PEAR1: variants seen among roughly 807,000 people sequenced by gnomAD.
PEAR1 encodes multiple EGF-like domains protein 12.
PEAR1 carries 113 observed loss-of-function variants against 131.2 expected under a neutral mutation model. The ratio of observed to expected loss-of-function variants is 0.86; its 90% CI spans 0.74 to 1.01. The LOEUF is 1.01. Among genes scored for constraint, PEAR1 ranks in the 50% least tolerant of loss-of-function variants. The pLI is 0.00. For missense variants in PEAR1, 1,408 were observed against 1,391.1 expected, an observed-to-expected ratio of 1.01 and a Z score of -0.19; for synonymous variants, 565 against 523.3, an observed-to-expected ratio of 1.08 and a Z score of -1.09.
intron 1 of PEAR1, among the ~76,000 whole-genome samples, chr1:156,895,946 G>A (rs1649116933): frequency 6.6e-6 from 1 of 152,040 alleles, no homozygotes; most frequent in African/African-American, 2.4e-5. Context: ...GCTTGGCATG[G>A]TGGTGCCCGC....
chr1:156,906,619 C>T lies in PEAR1; in HGVS notation c.401-18C>T, dbSNP rs753296214. ...ACTAGACCCCTGGTGACCCCCTTCCCGCCTCCTTATCCCACAGAGTGTGCC... is the reference window on the plus strand; with the variant it reads ...ACTAGACCCCTGGTGACCCCCTTCCTGCCTCCTTATCCCACAGAGTGTGCC... On this transcript the variant is annotated intron_variant, in intron 5 of 22. Transcript: ENST00000292357. 2.3e-5 allele frequency: 37 copies of T among 1,613,896 alleles called. 1 individual carries two copies. The highest frequency in any genetic ancestry group is 1.3e-4 in the Admixed American group (8 of 60,010).
At chr1:156,895,396 C>G (rs1334376191) in intron 1 of PEAR1, among the ~76,000 whole-genome samples, 1 of 152,222 alleles carries the variant, frequency 6.6e-6, no homozygotes, top group African/African-American at 2.4e-5. Flanking sequence ...TTCCCCAAGC[C>G]TCTCCTCTGA....
intron 6 of PEAR1, among the ~76,000 whole-genome samples, 183 bp from the exon 7 acceptor site, chr1:156,907,427 A>G (rs1164440050): frequency 6.6e-6 from 1 of 152,176 alleles, no homozygotes; most frequent in Admixed American, 6.5e-5. Context: ...TGCCGGTGCC[A>G]GGGTGTCCCT....
intron 3 of PEAR1, 64 bp downstream of exon 3, chr1:156,904,916 T>C: frequency 6.2e-7 from 1 of 1,604,530 alleles, no homozygotes; most frequent in Admixed American, 1.7e-5. Context: ...GCCTGGCCCC[T>C]GGCCCTCTGT....
intron 18 of PEAR1, 92 bp from the exon 19 acceptor site, chr1:156,913,102 G>A: frequency 6.4e-7 from 1 of 1,551,070 alleles, no homozygotes; most frequent in Admixed American, 1.7e-5. Flanking sequence ...GGGAGGTCAG[G>A]GAGGCCAAAG....
At chr1:156,898,868 G>A (rs1243067478) in intron 1 of PEAR1, among the ~76,000 whole-genome samples, 3 of 152,156 alleles carry the variant, frequency 2.0e-5, no homozygotes, top group African/African-American at 7.2e-5. Flanking sequence ...GTATAGGAAC[G>A]GAAAAAGAGA....
rs545381409 is a variant in PEAR1, at chr1:156,914,898, C to T, written c.*100C>T. 2.9e-5 allele frequency: 40 copies of T among 1,367,664 alleles called. No individual in the cohort carries two copies. Among genetic ancestry groups the T allele is most frequent in the South Asian group, 8.5e-5 (6 of 70,826 alleles). 84.7% of individuals were successfully genotyped at this position (1,367,664 alleles called of 1,614,324 possible). ...CCCCTGCCAGGAGCAGGGAGTGGAC[C>T]GGCAGGCTGTGAACATGAACAACGC... On this transcript the variant is annotated 3_prime_UTR_variant, in exon 23 of 23. Transcript: ENST00000292357.
At chr1:156,911,111 C>CTTTCT (rs1651089028) in intron 15 of PEAR1, among the ~76,000 whole-genome samples, 1 of 91,206 alleles carries the variant, frequency 1.1e-5, no homozygotes. Flanking sequence ...TCTTTCTTTT[C>CTTTCT]TTTCTTCTTT....
chr1:156,903,950 C>T lies in PEAR1; in HGVS notation c.24C>T (p.Leu8=). 2 of 1,614,106 alleles carry T rather than the reference C, an allele frequency of 1.2e-6. No individual in the cohort carries two copies. Among genetic ancestry groups the T allele is most frequent in the Non-Finnish European group, 1.7e-6 (2 of 1,180,010 alleles). Reference sequence around the variant, plus strand: ...CAATGTCACCGCCTCTGTGTCCCCTCCTTCTCCTGGCTGTGGGCCTGCGGC... The same window carrying T: ...CAATGTCACCGCCTCTGTGTCCCCTTCTTCTCCTGGCTGTGGGCCTGCGGC... MSPPLCP[L]LLLAVGLRLA... is the part of the protein sequence containing the mutation. The change falls in exon 2 of 23, where the codon CTC becomes CTT. Residue 8 remains leucine (L), a synonymous_variant. Coordinates refer to ENST00000292357, the MANE Select transcript of PEAR1 (RefSeq NM_001080471.3).
At position 156,914,078 on chromosome 1, in the gene PEAR1, G is replaced by A. The variant is rs775184007; in HGVS notation, c.2940G>A (p.Glu980=). The change falls in exon 22 of 23, where the codon GAG becomes GAA. Residue 980 remains glutamate, a synonymous_variant. Coordinates refer to ENST00000292357, the MANE Select transcript of PEAR1 (RefSeq NM_001080471.3). ...PQPQRDSGTY[E]QPSPLIHDRD... ...CACAGAGAGACAGTGGCACCTACGA[G>A]CAGCCCAGCCCCCTGATCCATGGTG... 6.2e-6 allele frequency: 10 copies of A among 1,603,280 alleles called. No homozygotes were observed. Among genetic ancestry groups the A allele is most frequent in the Admixed American group, 1.7e-5 (1 of 58,884 alleles).
Position 156,910,243 on chromosome 1 carries a change from G to A in PEAR1, c.1688G>A (p.Cys563Tyr). 2 of 1,610,912 alleles carry A rather than the reference G, an allele frequency of 1.2e-6. No homozygotes were observed. The highest frequency in any genetic ancestry group is 1.1e-5 in the South Asian group (1 of 90,762). Residue 563 changes from cysteine to tyrosine, a missense_variant, in exon 14 of 23, where the codon TGC (cysteine) becomes TAC (tyrosine). Coordinates refer to ENST00000292357, the MANE Select transcript of PEAR1 (RefSeq NM_001080471.3). ...QCQAGWMGAR[C>Y]HLSCPEGLWG... ...CTGCTGTCTCCCACAGGTGCCCGCT[G>A]CCACCTGTCCTGCCCTGAGGGCTTA...
chr1:156,905,622 C>T (rs987749737), intron 4 of PEAR1, among the ~76,000 whole-genome samples, 198 bp downstream of exon 4: 1 of 152,110 alleles, frequency 6.6e-6, no homozygotes, highest in African/African-American at 2.4e-5. Flanking sequence ...ACTTCACACC[C>T]CTGTCTCCAG....
intron 18 of PEAR1, 65 bp downstream of exon 18, chr1:156,913,047 G>C: frequency 6.3e-7 from 1 of 1,595,340 alleles, no homozygotes; most frequent in Non-Finnish European, 8.6e-7. Context: ...AGTGGATGCT[G>C]GGCATGACCC....
chr1:156,908,454 G>C lies in PEAR1; in HGVS notation c.1115+114G>C. ...AAGGGGGACAGGTGTCACAGAAGGG[G>C]AAAGGGAGGGACCTCAGGGGCCGGG... is the stretch of plus-strand genomic sequence containing the variant. On this transcript the variant is annotated intron_variant, in intron 9 of 22. Coordinates refer to ENST00000292357, the MANE Select transcript of PEAR1 (RefSeq NM_001080471.3). This position sits in a 1 kb window ranked among gnomAD's most constrained non-coding sequence, Gnocchi z 4.2. The C allele has an allele frequency of 7.6e-7, 1 of 1,321,900 alleles. No individual in the cohort carries two copies. Among genetic ancestry groups the C allele is most frequent in the African/African-American group, 1.5e-5 (1 of 67,540 alleles). 81.9% of individuals were successfully genotyped at this position (1,321,900 alleles called of 1,614,324 possible).
chr1:156,906,131 C>T (rs755921974), intron 4 of PEAR1, 145 bp from the exon 5 acceptor site: 150 of 658,166 alleles, frequency 2.3e-4, no homozygotes, highest in Admixed American at 1.0e-3. Flanking sequence ...AGTTGCTGCC[C>T]CTCAGTCTTT....
rs1650973726 is a variant in PEAR1, at chr1:156,910,735, G to A, written c.1943G>A (p.Cys648Tyr). 1 of 1,614,104 alleles carries A rather than the reference G, an allele frequency of 6.2e-7. No homozygotes were observed. The highest frequency in any genetic ancestry group is 8.5e-7 in the Non-Finnish European group (1 of 1,180,034). Residue 648 changes from cysteine (C) to tyrosine (Y), a missense_variant, in exon 15 of 23, where the codon TGC (cysteine) becomes TAC (tyrosine). By Grantham distance (194) the Cys-to-Tyr change is radical. Coordinates refer to ENST00000292357, the MANE Select transcript of PEAR1 (RefSeq NM_001080471.3). Reference protein sequence around the residue: ...YCLAGWTGPDCSQPCPPGHWG... With the variant: ...YCLAGWTGPDYSQPCPPGHWG... Reference sequence around the variant, plus strand: ...CTGGCTGGCTGGACAGGCCCCGACTGCTCCCAGCGTATGTGGTAGCTTGTG... The same window carrying A: ...CTGGCTGGCTGGACAGGCCCCGACTACTCCCAGCGTATGTGGTAGCTTGTG...
intron 15 of PEAR1, among the ~76,000 whole-genome samples, chr1:156,911,594 C>T (rs1651213183): frequency 6.7e-6 from 1 of 148,388 alleles, no homozygotes; most frequent in Admixed American, 6.7e-5. Flanking sequence ...GCGCCCAGCC[C>T]TTTTTTTCTT....
rs553387619 is a variant in PEAR1, at chr1:156,903,562, G to C, written c.-9-356G>C. Among the ~76,000 whole-genome samples, 11 of 152,268 alleles carry C rather than the reference G, an allele frequency of 7.2e-5. No homozygotes were observed. The East Asian group carries it at 1.7e-3, about 24-fold the overall frequency. Reference sequence around the variant, plus strand: ...GGAGCAGGCACTGGAACAGTGGGGTGGGGGTGAATGATACTGGGACCCCCA... The same window carrying C: ...GGAGCAGGCACTGGAACAGTGGGGTCGGGGTGAATGATACTGGGACCCCCA... On this transcript the variant is annotated intron_variant, in intron 1 of 22. Transcript: ENST00000292357.
chr1:156,906,826 C>T lies in PEAR1; in HGVS notation c.590C>T (p.Pro197Leu). The change falls in exon 6 of 23, where the codon CCC becomes CTC. Residue 197 changes from proline to leucine, a missense_variant. Coordinates refer to ENST00000292357, the MANE Select transcript of PEAR1 (RefSeq NM_001080471.3). ...CQFRCQCHGA[P>L]CDPQTGACFC... ...TTCCGCTGCCAGTGCCATGGGGCAC[C>T]CTGCGATCCCCAGACTGGAGCCTGC... 2 of 1,614,196 alleles carry T rather than the reference C, an allele frequency of 1.2e-6. No individual in the cohort carries two copies. The highest frequency in any genetic ancestry group is 1.6e-4 in the Middle Eastern group (1 of 6,062).
Sources: allele counts gnomAD v4.1 joint callset (sites outside exome capture counted in the v4.1 genomes callset), GRCh38; gene constraint gnomAD v4.1.1; non-coding constraint Gnocchi (gnomAD v3.1); transcripts MANE v1.5; gene names NCBI Gene and HGNC (gene_info 2026-07-23, HGNC 2026-07-21).